Variants in ELP5 observed in about 807,000 individuals in gnomAD.
ELP5 encodes elongator acetyltransferase complex subunit 5, also known as elongator complex protein 5.
A neutral mutation model predicts 33.4 loss-of-function variants in ELP5; 34 were observed. That is an observed-to-expected ratio of 1.02 (90% CI 0.78 to 1.36). The LOEUF is 1.36. Among genes scored for constraint, ELP5 ranks in the 40% most tolerant of loss-of-function variants. The pLI, the probability that ELP5 is intolerant of heterozygous loss-of-function variation, is 0.00. For synonymous variants in ELP5, 161 were observed against 146.4 expected, an observed-to-expected ratio of 1.10 and a Z score of -0.72; for missense variants, 373 against 371.7, an observed-to-expected ratio of 1.00 and a Z score of -0.03.
At position 7,254,738 on chromosome 17, in the gene ELP5, T is replaced by A; in HGVS notation, c.344T>A (p.Leu115His). The A allele has an allele frequency of 6.2e-7, 1 of 1,614,174 alleles. No homozygotes were observed. Among genetic ancestry groups the A allele is most frequent in the Admixed American group, 1.7e-5 (1 of 60,012 alleles). Residue 115 changes from leucine to histidine, a missense_variant, in exon 4 of 8, where the codon CTT becomes CAT. Leu to His is a moderately conservative substitution (Grantham distance 99). Coordinates refer to ENST00000396628, the MANE Select transcript of ELP5 (RefSeq NM_203414.3). Reference protein sequence around the residue: ...IALDSLSWLLLRLPCTTLCQV... With the variant: ...IALDSLSWLLHRLPCTTLCQV... ...CTCGATTCACTCAGCTGGCTGCTACTTCGCCTTCCCTGCACCACACTCTGC... is the reference window on the plus strand; with the variant it reads ...CTCGATTCACTCAGCTGGCTGCTACATCGCCTTCCCTGCACCACACTCTGC...
intron 4 of ELP5, among the ~76,000 whole-genome samples, chr17:7,256,047 C>T (rs2072068082): frequency 6.7e-6 from 1 of 148,642 alleles, no homozygotes. Flanking sequence ...CAGAGAAAGA[C>T]GTCATCTCAA....
upstream of ELP5, chr17:7,251,729 G>A (rs920628308): frequency 2.6e-5 from 4 of 153,562 alleles, no homozygotes; most frequent in African/African-American, 7.3e-5. Flanking sequence ...GGCGCGCTAG[G>A]GGGCTGCTCG....
At position 7,259,804 on chromosome 17, in the gene ELP5, G is replaced by C; in HGVS notation, c.*119G>C. On this transcript the variant is annotated 3_prime_UTR_variant, in exon 8 of 8. Coordinates refer to ENST00000396628, the MANE Select transcript of ELP5 (RefSeq NM_203414.3). ...TCCCTGCCCCACCTTGGTTCCCCTT[G>C]TCTATGGAGCCCCGCCTTGTGAGCC... 2.0e-6 allele frequency: 3 copies of C among 1,488,774 alleles called. No individual in the cohort carries two copies. The highest frequency in any genetic ancestry group is 2.7e-6 in the Non-Finnish European group (3 of 1,118,138). 92.2% of individuals were successfully genotyped at this position (1,488,774 alleles called of 1,614,324 possible).
In ELP5 at chr17:7,254,466, T is replaced by G. The variant is rs576054596; in HGVS notation, c.189-117T>G. ...CTCTCTCTCAGTAATTATCTTTCAC[T>G]AATATTTAGGATATTCATAAAAATT... On this transcript the variant is annotated intron_variant, in intron 3 of 7. Coordinates refer to ENST00000396628, the MANE Select transcript of ELP5 (RefSeq NM_203414.3). 12 of 719,316 alleles carry G rather than the reference T, an allele frequency of 1.7e-5. No homozygotes were observed. The East Asian group carries it at 3.3e-4, about 20-fold the overall frequency. 44.6% of individuals were successfully genotyped at this position (719,316 alleles called of 1,614,324 possible).
intron 5 of ELP5, among the ~76,000 whole-genome samples, chr17:7,258,213 C>T (rs1306748606): frequency 6.6e-6 from 1 of 152,102 alleles, no homozygotes; most frequent in Non-Finnish European, 1.5e-5. Context: ...TTTTGGGAGG[C>T]CGAAGTGGGC....
chr17:7,253,032 T>C, intron 3 of ELP5, 34 bp downstream of exon 3: 1 of 1,603,910 alleles, frequency 6.2e-7, no homozygotes, highest in South Asian at 1.1e-5. Flanking sequence ...TGATTAAATT[T>C]GAGACCTATA....
Position 7,259,920 on chromosome 17 carries a change from TA to T in ELP5, c.*236del. ...CACCCCCGTACCTAATAAAAATCTT[TA>T]TTTTTTTATTAAAAAAGAAGTACTT... On this transcript the variant is annotated 3_prime_UTR_variant, in exon 8 of 8. Transcript: ENST00000396628. 3 of 478,760 alleles carry T rather than the reference TA, an allele frequency of 6.3e-6. No homozygotes were observed. The highest frequency in any genetic ancestry group is 3.4e-6 in the Non-Finnish European group (1 of 295,730). 29.7% of individuals were successfully genotyped at this position (478,760 alleles called of 1,614,324 possible). A position where few individuals can be genotyped will look rare whatever the true frequency, so the allele number is the denominator to read the frequency against.
chr17:7,252,612 A>C lies in ELP5; in HGVS notation c.46+16A>C. 1 of 1,609,682 alleles carries C rather than the reference A, an allele frequency of 6.2e-7. No individual in the cohort carries two copies. The highest frequency in any genetic ancestry group is 8.5e-7 in the Non-Finnish European group (1 of 1,178,432). ...CTGCTTCGGGGTGAGAGCCAGAGGC[A>C]CGGTGGCGGGGCGGGGGGTGCGGTT... On this transcript the variant is annotated intron_variant, in intron 1 of 7. Coordinates refer to ENST00000396628, the MANE Select transcript of ELP5 (RefSeq NM_203414.3).
chr17:7,253,098 C>T, intron 3 of ELP5, 100 bp downstream of exon 3: 2 of 1,126,130 alleles, frequency 1.8e-6, no homozygotes, highest in Non-Finnish European at 2.7e-6. Context: ...GTAGCAGTTC[C>T]TTAAATATTC....
upstream of ELP5, chr17:7,252,135 C>T (rs2071945554): frequency 2.9e-6 from 1 of 349,666 alleles, no homozygotes; most frequent in Non-Finnish European, 5.4e-6. Flanking sequence ...GTATTGCGCA[C>T]GCGCAGAAGG....
chr17:7,256,972 C>T lies in ELP5; in HGVS notation c.525C>T (p.Gly175=), dbSNP rs142979777. 6.4e-5 allele frequency: 104 copies of T among 1,612,846 alleles called. No homozygotes were observed. Among genetic ancestry groups the T allele is most frequent in the African/African-American group, 3.6e-4 (27 of 75,020 alleles). Reference sequence around the variant, plus strand: ...TTGCTCAGACTGAGGTGACCCTGGGCGGTACCATGGGCCAGGCCTCGGCCC... The same window carrying T: ...TTGCTCAGACTGAGGTGACCCTGGGTGGTACCATGGGCCAGGCCTCGGCCC... ...SSLAQTEVTL[G]GTMGQASAHI... is the part of the protein sequence containing the mutation. Residue 175 remains glycine, a synonymous_variant, in exon 5 of 8, where the codon GGC becomes GGT. Transcript: ENST00000396628.
chr17:7,252,125 GTA>G (rs2071945366), upstream of ELP5: 1 of 346,840 alleles, frequency 2.9e-6, no homozygotes, highest in Non-Finnish European at 5.5e-6. Flanking sequence ...CGAGGCTGCA[GTA>G]TTGCGCACGC....
At chr17:7,259,228 G>C in intron 7 of ELP5, 1 of 1,376,482 alleles carries the variant, frequency 7.3e-7, no homozygotes, top group Non-Finnish European at 9.4e-7. Context: ...GGTGCTAGGA[G>C]GACAGAAGGC....
At chr17:7,256,305 T>A (rs2072073388) in intron 4 of ELP5, among the ~76,000 whole-genome samples, 1 of 152,066 alleles carries the variant, frequency 6.6e-6, no homozygotes, top group African/African-American at 2.4e-5. Context: ...ATTGCGCCAC[T>A]GCACTCTAGC....
chr17:7,256,924 C>G lies in ELP5; in HGVS notation c.477C>G (p.Gly159=), dbSNP rs1197639298. 10 of 1,613,968 alleles carry G rather than the reference C, an allele frequency of 6.2e-6. No homozygotes were observed. The highest frequency in any genetic ancestry group is 8.5e-6 in the Non-Finnish European group (10 of 1,180,024). ...GLLHEELHGP[G]PVGALSSLAQ... is the part of the protein sequence containing the mutation. ...TACATGAAGAGCTTCATGGACCAGG[C>G]CCTGTGGGAGCTCTCAGCAGCCTTG... is the stretch of plus-strand genomic sequence containing the variant. Residue 159 remains glycine, a synonymous_variant, in exon 5 of 8, where the codon GGC becomes GGG. Coordinates refer to ENST00000396628, the MANE Select transcript of ELP5 (RefSeq NM_203414.3).
intron 2 of ELP5, 27 bp downstream of exon 2, chr17:7,252,857 C>G: frequency 6.2e-7 from 1 of 1,614,168 alleles, no homozygotes; most frequent in South Asian, 1.1e-5. Flanking sequence ...GTCTCCCCGG[C>G]CTACCCTGGA....
In ELP5 at chr17:7,252,494, C is replaced by T. The variant is rs2071958414; in HGVS notation, c.-57C>T. The T allele has an allele frequency of 5.0e-6, 8 of 1,613,314 alleles. No homozygotes were observed. In the East Asian group the frequency reaches 1.6e-4, roughly 31 times the overall value. ...CCCGTTTCACCCCGAGGAGGAAGGA[C>T]ACTGGGTCATGACGCCATCAGAGGG... On this transcript the variant is annotated 5_prime_UTR_variant, in exon 1 of 8. Coordinates refer to ENST00000396628, the MANE Select transcript of ELP5 (RefSeq NM_203414.3).
intron 3 of ELP5, among the ~76,000 whole-genome samples, chr17:7,254,315 C>T (rs1476610574): frequency 6.6e-6 from 1 of 152,192 alleles, no homozygotes; most frequent in Non-Finnish European, 1.5e-5. Context: ...AGGTTGGCAT[C>T]TCATTTCACC....
rs1448414992 is a variant in ELP5 at position 7,252,589 on chromosome 17, G to T, written c.39G>T (p.Leu13=). 2 of 1,612,684 alleles carry T rather than the reference G, an allele frequency of 1.2e-6. No homozygotes were observed. Among genetic ancestry groups the T allele is most frequent in the East Asian group, 2.2e-5 (1 of 44,860 alleles). Reference sequence around the variant, plus strand: ...TGTTGGCCTTGGGCGGCCTGGTGCTGCTTCGGGGTGAGAGCCAGAGGCACG... The same window carrying T: ...TGTTGGCCTTGGGCGGCCTGGTGCTTCTTCGGGGTGAGAGCCAGAGGCACG... ...DSLLALGGLV[L]LRDSVEWEGR... Residue 13 remains leucine (L), a synonymous_variant, in exon 1 of 8, where the codon CTG becomes CTT. Coordinates refer to ENST00000396628, the MANE Select transcript of ELP5 (RefSeq NM_203414.3).
Sources: allele counts gnomAD v4.1 joint callset (sites outside exome capture counted in the v4.1 genomes callset), GRCh38; gene constraint gnomAD v4.1.1; transcripts MANE v1.5; gene names NCBI Gene and HGNC (gene_info 2026-07-23, HGNC 2026-07-21).